CUX1: variants seen among roughly 807,000 people sequenced by gnomAD.
CUX1 encodes the protein protein CASP.
Under a neutral mutation model 158.8 loss-of-function variants are expected in CUX1, and 31 were observed. The ratio of observed to expected loss-of-function variants is 0.20; its 90% CI spans 0.15 to 0.26. CUX1 has a LOEUF of 0.26. Ranked by LOEUF, CUX1 falls within the 10% of genes least tolerant of loss-of-function variation. The probability of loss-of-function intolerance (pLI) is 1.00; values close to 1 mark genes in which losing one functional copy is unlikely to be tolerated. For missense variants in CUX1, 1,589 were observed against 2,014.6 expected (o/e 0.79, Z 4.04); for synonymous variants, 879 against 862.1 (o/e 1.02, Z -0.34).
In CUX1 at chr7:101,869,215, T is replaced by A. The variant is rs1798229703; in HGVS notation, c.31-46900T>A. ...GGATGAGCCCCATGTGCGCGTGACC[T>A]GTGGCAGAGGGGCTGTGTCAGAGCC... On this transcript the variant is annotated intron_variant, in intron 1 of 23. Coordinates refer to ENST00000292535, the MANE Select transcript of CUX1 (RefSeq NM_181552.4). This position sits in a 1 kb window ranked among gnomAD's most constrained non-coding sequence, Gnocchi z 4.5. Among the ~76,000 whole-genome samples the A allele has an allele frequency of 6.6e-6, 1 of 151,966 alleles. No individual in the cohort carries two copies. Among genetic ancestry groups the A allele is most frequent in the African/African-American group, 2.4e-5 (1 of 41,352 alleles).
intron 20 of CUX1, among the ~76,000 whole-genome samples, chr7:102,210,830 C>T (rs566017405): frequency 6.6e-6 from 1 of 152,228 alleles, no homozygotes; most frequent in African/African-American, 2.4e-5. Context: ...CCCACGGGGC[C>T]GTGGGCTGTC....
rs117627688 is a variant in CUX1, at chr7:102,183,110, G to A, written c.1017+4453G>A. Among the ~76,000 whole-genome samples the A allele has an allele frequency of 3.8e-3, 584 of 152,144 alleles. 2 individuals are homozygous for A. The highest frequency in any genetic ancestry group is 6.8e-3 in the Non-Finnish European group (459 of 67,998). ...GGTATAAAAGAGGTGGTATAAAACCGTCCCTCTGGCCTTGGGTGTCTCTCT... is the reference window on the plus strand; with the variant it reads ...GGTATAAAAGAGGTGGTATAAAACCATCCCTCTGGCCTTGGGTGTCTCTCT... On this transcript the variant is annotated intron_variant, in intron 11 of 23. Coordinates refer to ENST00000292535, the MANE Select transcript of CUX1 (RefSeq NM_181552.4).
chr7:102,265,921 A>T (rs1790771678), intron 14 of CUX1, among the ~76,000 whole-genome samples: 1 of 151,862 alleles, frequency 6.6e-6, no homozygotes, highest in Non-Finnish European at 1.5e-5. Context: ...AATGAGACTT[A>T]AGGCAGGGGC....
At chr7:102,090,676 C>T (rs797041207) in intron 4 of CUX1, among the ~76,000 whole-genome samples, 2 of 145,814 alleles carry the variant, frequency 1.4e-5, no homozygotes, top group South Asian at 2.1e-4. Flanking sequence ...CGTGAGCCAC[C>T]GCACCCCGCC....
intron 10 of CUX1, among the ~76,000 whole-genome samples, chr7:102,177,985 C>T (rs1207055361): frequency 2.0e-5 from 3 of 152,094 alleles, no homozygotes; most frequent in Non-Finnish European, 4.4e-5. Flanking sequence ...CTTCTTCTCC[C>T]GAGTTCAAGT....
Position 101,889,964 on chromosome 7 carries a change from A to G in CUX1, c.31-26151A>G, listed in dbSNP as rs181893238. ...ATAACTAAGCTTTTCCACCTTCACT[A>G]CGGGGTACCAGGGTCTTTGTAGCAG... On this transcript the variant is annotated intron_variant, in intron 1 of 23. Transcript: ENST00000292535. Among the ~76,000 whole-genome samples the G allele has an allele frequency of 3.3e-5, 5 of 152,234 alleles. No homozygotes were observed. In the East Asian group the frequency reaches 9.6e-4, roughly 29 times the overall value.
At chr7:101,899,286 C>T (rs185698493) in intron 1 of CUX1, among the ~76,000 whole-genome samples, 131 of 152,306 alleles carry the variant, frequency 8.6e-4, no homozygotes, top group Non-Finnish European at 1.7e-3. Context: ...CAGTGGCTCA[C>T]GCCTGTAATC....
In CUX1 at chr7:102,217,356, C is replaced by T. The variant is rs530732032; in HGVS notation, c.3131-10011C>T. On this transcript the variant is annotated intron_variant, in intron 20 of 23. Coordinates refer to ENST00000292535, the MANE Select transcript of CUX1 (RefSeq NM_181552.4). ...CCAGAGGGAAAGTGACTTTCCACTC[C>T]GAATCCCCGGCAGGTCCCCTCCCCG... is the stretch of plus-strand genomic sequence containing the variant. Among the ~76,000 whole-genome samples the T allele has an allele frequency of 2.5e-4, 38 of 152,374 alleles. 1 individual carries two copies. The South Asian group carries it at 6.2e-3, about 25-fold the overall frequency.
In CUX1 at chr7:102,024,116, G is replaced by A. The variant is rs182705531; in HGVS notation, c.142-3982G>A. Among the ~76,000 whole-genome samples the A allele has an allele frequency of 2.4e-3, 367 of 152,338 alleles. 3 individuals carry two copies. The highest frequency in any genetic ancestry group is 8.5e-3 in the African/African-American group (354 of 41,578). ...GCCCTGTGCCAGGTTGGCAGGGTTG[G>A]GGGTAACCCAGGAGCATGCCTGCTA... On this transcript the variant is annotated intron_variant, in intron 2 of 23. Coordinates refer to ENST00000292535, the MANE Select transcript of CUX1 (RefSeq NM_181552.4).
intron 3 of CUX1, among the ~76,000 whole-genome samples, chr7:102,036,768 A>C (rs1381692155): frequency 2.0e-5 from 3 of 151,974 alleles, no homozygotes; most frequent in Admixed American, 6.6e-5. Context: ...AAACAAAAAA[A>C]AAAAAAAACA....
At position 102,280,125 on chromosome 7, in the gene CUX1, G is replaced by A. The variant is rs200542266; in HGVS notation, c.1764+5G>A. On this transcript the variant is annotated splice_donor_5th_base_variant and intron_variant, in intron 19 of 22. Coordinates refer to the CUX1 transcript ENST00000292538. ...TTCTCCTCCTTCAGCAAGCGGGTTC[G>A]TGAGCCCAGCCTGGGCAGGGGAGGG... is the stretch of plus-strand genomic sequence containing the variant. The A allele has an allele frequency of 5.5e-5, 88 of 1,601,032 alleles. 1 individual carries two copies. The highest frequency in any genetic ancestry group is 1.5e-4 in the Admixed American group (9 of 59,976).
chr7:102,251,510 G>T lies in CUX1; in HGVS notation c.*2468G>T. ...TTCAGAAGGCTCTAGGGGGCTGGGA[G>T]GCAGGCTGTTCGTTTGTCTTTTGTT... On this transcript the variant is annotated 3_prime_UTR_variant, in exon 24 of 24. Transcript: ENST00000292535. The T allele has an allele frequency of 1.0e-6, 1 of 985,410 alleles. No homozygotes were observed. The highest frequency in any genetic ancestry group is 1.2e-6 in the Non-Finnish European group (1 of 829,916). 61.0% of individuals were successfully genotyped at this position (985,410 alleles called of 1,614,324 possible).
chr7:101,972,804 G>T (rs987907255), intron 2 of CUX1, among the ~76,000 whole-genome samples: 1 of 152,202 alleles, frequency 6.6e-6, no homozygotes, highest in African/African-American at 2.4e-5. Flanking sequence ...GGTGTCAGGA[G>T]GTGTCCCGGG....
chr7:102,127,813 G>A (rs1832810232), intron 8 of CUX1, among the ~76,000 whole-genome samples: 1 of 150,212 alleles, frequency 6.7e-6, no homozygotes. Flanking sequence ...GCCAGTGGCT[G>A]TGGCATCTTT....
intron 21 of CUX1, among the ~76,000 whole-genome samples, chr7:102,227,875 C>G (rs1467469394): frequency 2.6e-5 from 4 of 152,106 alleles, no homozygotes; most frequent in Non-Finnish European, 2.9e-5. Flanking sequence ...CCTGCACCCC[C>G]ACGGGGACCA....
chr7:102,194,437 T>TAA (rs35830576), intron 13 of CUX1, among the ~76,000 whole-genome samples: 88 of 144,254 alleles, frequency 6.1e-4, no homozygotes, highest in African/African-American at 1.1e-3. Context: ...ATGTTGCTAT[T>TAA]AAAAAAAAAA....
At chr7:102,160,677 G>A (rs782084708) in intron 9 of CUX1, among the ~76,000 whole-genome samples, 5 of 152,042 alleles carry the variant, frequency 3.3e-5, no homozygotes, top group Non-Finnish European at 7.4e-5. Context: ...GGGGAAATAC[G>A]CCAGTCACAA....
intron 2 of CUX1, among the ~76,000 whole-genome samples, chr7:102,017,181 A>G (rs1177957062): frequency 1.5e-5 from 2 of 134,192 alleles, no homozygotes; most frequent in Non-Finnish European, 3.3e-5. Context: ...GTGGGCGCCT[A>G]TACTCCCAGC....
chr7:102,084,858 C>CTTTTTTTTTTTTTTT (rs60908109), intron 4 of CUX1, among the ~76,000 whole-genome samples: 1 of 56,048 alleles, frequency 1.8e-5, no homozygotes, highest in Non-Finnish European at 3.3e-5. Context: ...ATTTTCCTTG[C>CTTTTTTTTTTTTTTT]TTTTTTTTTT....
Sources: allele counts gnomAD v4.1 joint callset (sites outside exome capture counted in the v4.1 genomes callset), GRCh38; gene constraint gnomAD v4.1.1; non-coding constraint Gnocchi (gnomAD v3.1); transcripts MANE v1.5; gene names NCBI Gene and HGNC (gene_info 2026-07-23, HGNC 2026-07-21).